CMSS1: variants seen among roughly 807,000 people sequenced by gnomAD.
CMSS1 encodes the protein protein CMSS1.
CMSS1 carries 33 observed loss-of-function variants against 43.5 expected under a neutral mutation model. That is an observed-to-expected ratio of 0.76 (90% CI 0.57 to 1.01). The LOEUF (loss-of-function observed/expected upper bound fraction) is 1.01, where lower values mean the gene tolerates loss of function less well. Ranked by LOEUF, CMSS1 falls within the 50% of genes least tolerant of loss-of-function variation. The pLI is 0.00. For missense variants in CMSS1, 313 were observed against 326.4 expected (o/e 0.96, Z 0.32); for synonymous variants, 115 against 117.2 (o/e 0.98, Z 0.12).
chr3:100,126,993 G>T (rs1160129475), intron 1 of CMSS1, among the ~76,000 whole-genome samples: 13 of 148,646 alleles, frequency 8.7e-5, no homozygotes, highest in Non-Finnish European at 1.8e-4. Flanking sequence ...GTGAGACTCC[G>T]TCTCAAAAAA....
chr3:99,897,297 G>T (rs911814779), intron 1 of CMSS1, among the ~76,000 whole-genome samples: 1 of 152,000 alleles, frequency 6.6e-6, no homozygotes, highest in African/African-American at 2.4e-5. Context: ...AGGCCTCCGC[G>T]GGAGGAGGTT....
intron 1 of CMSS1, among the ~76,000 whole-genome samples, chr3:100,135,438 ATGTGTGTG>A (rs71132511): frequency 0.03 from 3,637 of 120,752 alleles, 70 homozygotes; most frequent in African/African-American, 0.055. Flanking sequence ...GTGTGTGTGC[ATGTGTGTG>A]TGTGTGTGTG....
chr3:100,107,806 A>G (rs1278746527), intron 1 of CMSS1, among the ~76,000 whole-genome samples: 1 of 151,972 alleles, frequency 6.6e-6, no homozygotes, highest in African/African-American at 2.4e-5. Flanking sequence ...GAGGCCATAA[A>G]CTAACACTTT....
intron 1 of CMSS1, among the ~76,000 whole-genome samples, chr3:100,120,114 C>CT (rs1340691673): frequency 6.6e-6 from 1 of 152,200 alleles, no homozygotes; most frequent in African/African-American, 2.4e-5. Context: ...TGCAAATAAG[C>CT]TGTACTCTCC....
At chr3:99,842,696 C>G (rs1943191241) in intron 1 of CMSS1, among the ~76,000 whole-genome samples, 1 of 152,014 alleles carries the variant, frequency 6.6e-6, no homozygotes, top group Admixed American at 6.6e-5. Flanking sequence ...TAAATGATGC[C>G]ACAAATAAAA....
At position 99,978,065 on chromosome 3, in the gene CMSS1, C is replaced by T. The variant is rs766892938; in HGVS notation, c.64+160022C>T. Among the ~76,000 whole-genome samples, 41 of 152,110 alleles carry T rather than the reference C, an allele frequency of 2.7e-4. 1 individual carries two copies. Among genetic ancestry groups the T allele is most frequent in the Middle Eastern group, 6.8e-3 (2 of 294 alleles). ...TTCTTTACATAAAACAAGCAATGAA[C>T]GTTTCAAAAGAAAACATTTTTAAAG... On this transcript the variant is annotated intron_variant, in intron 1 of 9. Transcript: ENST00000421999.
chr3:100,168,103 T>G (rs991513325), intron 6 of CMSS1, among the ~76,000 whole-genome samples: 1 of 152,158 alleles, frequency 6.6e-6, no homozygotes, highest in African/African-American at 2.4e-5. Flanking sequence ...AAAAGGGTGG[T>G]CACAGAAAGC....
At chr3:99,831,569 A>G (rs921832733) in intron 1 of CMSS1, among the ~76,000 whole-genome samples, 1 of 152,258 alleles carries the variant, frequency 6.6e-6, no homozygotes, top group Non-Finnish European at 1.5e-5. Flanking sequence ...AGTTGAAGTC[A>G]GTGACAGACT....
chr3:99,820,430 G>C (rs1942413557), intron 1 of CMSS1, among the ~76,000 whole-genome samples: 1 of 151,498 alleles, frequency 6.6e-6, no homozygotes, highest in Admixed American at 6.6e-5. Flanking sequence ...CTCCTGACCT[G>C]AAGTGATCTG....
At chr3:100,045,269 C>T (rs1207191572) in intron 1 of CMSS1, among the ~76,000 whole-genome samples, 2 of 152,202 alleles carry the variant, frequency 1.3e-5, no homozygotes, top group Non-Finnish European at 2.9e-5. Context: ...CAGCACATAG[C>T]ACAGTATCTA....
chr3:99,872,920 T>C (rs1055717982), intron 1 of CMSS1, among the ~76,000 whole-genome samples: 9 of 151,782 alleles, frequency 5.9e-5, no homozygotes, highest in Non-Finnish European at 7.4e-5. Context: ...CTCAAGTCTT[T>C]TTTTTTTTTT....
intron 1 of CMSS1, among the ~76,000 whole-genome samples, chr3:99,946,909 C>T (rs1442296186): frequency 1.3e-5 from 2 of 151,914 alleles, no homozygotes; most frequent in African/African-American, 2.4e-5. Context: ...CAGAGGTGGG[C>T]GGATCTCCTG....
intron 1 of CMSS1, among the ~76,000 whole-genome samples, chr3:100,124,171 G>A (rs2066644074): frequency 6.6e-6 from 1 of 152,144 alleles, no homozygotes. Context: ...AGAGTTTAAT[G>A]TGGCTGAAAA....
intron 1 of CMSS1, among the ~76,000 whole-genome samples, chr3:100,106,043 A>AG (rs1452754185): frequency 3.3e-5 from 5 of 152,124 alleles, no homozygotes; most frequent in African/African-American, 1.2e-4. Flanking sequence ...TATACCTCCT[A>AG]GGGGTTTCAA....
intron 1 of CMSS1, among the ~76,000 whole-genome samples, chr3:99,854,418 C>A (rs2107537165): frequency 6.6e-6 from 1 of 152,218 alleles, no homozygotes; most frequent in South Asian, 2.1e-4. Context: ...GTAGCATAGA[C>A]CTTGAGGTGC....
intron 1 of CMSS1, among the ~76,000 whole-genome samples, chr3:99,853,673 A>T (rs1261287092): frequency 6.6e-6 from 1 of 152,206 alleles, no homozygotes; most frequent in Non-Finnish European, 1.5e-5. Flanking sequence ...TTTGTAAATT[A>T]GTTGGCATCC....
chr3:100,052,097 A>G (rs1456737245), intron 1 of CMSS1, among the ~76,000 whole-genome samples: 2 of 152,182 alleles, frequency 1.3e-5, no homozygotes, highest in African/African-American at 2.4e-5. Flanking sequence ...TATTTAGGCT[A>G]CTAATGGGCA....
intron 1 of CMSS1, among the ~76,000 whole-genome samples, chr3:99,942,685 C>T (rs759272168): frequency 1.3e-5 from 2 of 151,898 alleles, no homozygotes; most frequent in South Asian, 4.2e-4. Flanking sequence ...TATAACTAGC[C>T]GGGCATGGTG....
intron 1 of CMSS1, among the ~76,000 whole-genome samples, chr3:99,903,542 G>A (rs780251147): frequency 1.3e-5 from 2 of 152,094 alleles, no homozygotes; most frequent in African/African-American, 2.4e-5. Context: ...GAGCCACCGC[G>A]CCCGGCCATG....
Sources: gnomAD v4.1 joint callset for allele counts (sites outside exome capture counted in the v4.1 genomes callset) on GRCh38, gnomAD v4.1.1 for gene constraint, MANE v1.5 for transcripts, NCBI Gene and HGNC (gene_info 2026-07-23, HGNC 2026-07-21) for gene names.